Variants in CD163L1 observed in about 807,000 individuals in gnomAD.
The protein encoded by CD163L1 is scavenger receptor cysteine-rich type 1 protein M160.
CD163L1 carries 124 observed loss-of-function variants against 165.4 expected under a neutral mutation model. The ratio of observed to expected loss-of-function variants is 0.75; its 90% CI spans 0.65 to 0.87. CD163L1 has a LOEUF of 0.87. Ranked by LOEUF, CD163L1 falls within the 40% of genes least tolerant of loss-of-function variation. The probability of loss-of-function intolerance (pLI) is 0.00; values close to 1 mark genes in which losing one functional copy is unlikely to be tolerated. For missense variants in CD163L1, 1,525 were observed against 1,799.9 expected, an observed-to-expected ratio of 0.85 and a Z score of 2.76; for synonymous variants, 585 against 662.2, an observed-to-expected ratio of 0.88 and a Z score of 1.79.
chr12:7,385,584 T>C (rs953575161), intron 8 of CD163L1, among the ~76,000 whole-genome samples: 3 of 151,950 alleles, frequency 2.0e-5, no homozygotes, highest in African/African-American at 7.2e-5. Flanking sequence ...CATAAAACGT[T>C]TTCCAGAATA....
chr12:7,326,877 T>C, the CD163L1 span: 1 of 1,323,210 alleles, frequency 7.6e-7, no homozygotes, highest in Non-Finnish European at 1.0e-6. Flanking sequence ...ACACAAACTG[T>C]TATTAATAAA....
chr12:7,438,957 G>A, intron 2 of CD163L1: 1 of 1,607,882 alleles, frequency 6.2e-7, no homozygotes, highest in Non-Finnish European at 8.5e-7. Context: ...TTGTTCTCTA[G>A]CTTCCTGCTC....
chr12:7,362,204 A>G (rs1285439449), intron 18 of CD163L1, among the ~76,000 whole-genome samples: 2 of 136,386 alleles, frequency 1.5e-5, no homozygotes, highest in African/African-American at 5.7e-5. Context: ...AACATATATA[A>G]TATATCATAT....
chr12:7,404,015 A>T, intron 5 of CD163L1, 160 bp from the exon 6 acceptor site: 1 of 525,588 alleles, frequency 1.9e-6, no homozygotes, highest in Non-Finnish European at 3.2e-6. Context: ...AAAATTTTAA[A>T]GATTGAAATT....
In CD163L1 at chr12:7,398,420, C is replaced by T; in HGVS notation, c.1573G>A (p.Val525Met). Residue 525 changes from valine to methionine, a missense_variant, in exon 7 of 20, where the codon GTG (valine) becomes ATG (methionine). Transcript: ENST00000313599. This position sits in a 1 kb window ranked among gnomAD's most constrained non-coding sequence, Gnocchi z 4.5. ...KQLGCGKPLH[V>M]FGMTYFKEAS... ...TCTTTAAAATAGGTCATACCAAACACATGCAAAGGCTTTCCACATCCCAAT... is the reference window on the plus strand; with the variant it reads ...TCTTTAAAATAGGTCATACCAAACATATGCAAAGGCTTTCCACATCCCAAT... 1 of 1,614,140 alleles carries T rather than the reference C, an allele frequency of 6.2e-7. No homozygotes were observed. Among genetic ancestry groups the T allele is most frequent in the Non-Finnish European group, 8.5e-7 (1 of 1,180,020 alleles).
chr12:7,368,699 T>G lies in CD163L1; in HGVS notation c.4072+234A>C, dbSNP rs1039072316. The G allele has an allele frequency of 8.3e-6, 4 of 480,450 alleles. No homozygotes were observed. The highest frequency in any genetic ancestry group is 1.5e-5 in the Non-Finnish European group (4 of 262,448). The allele number at this position is 480,450 out of a possible 1,614,324, so 29.8% of individuals were successfully genotyped here. A position where few individuals can be genotyped will look rare whatever the true frequency, so the allele number is the denominator to read the frequency against. ...TATTTGAGAATCTAGAAAGATTATC[T>G]ATGAGGGTACCATGAGAGTCTTATC... On this transcript the variant is annotated intron_variant, in intron 16 of 19. Transcript: ENST00000313599. This position sits in a 1 kb window ranked among gnomAD's most constrained non-coding sequence, Gnocchi z 4.3.
the CD163L1 span, among the ~76,000 whole-genome samples, chr12:7,331,180 G>A: frequency 5.3e-5 from 8 of 152,210 alleles, no homozygotes; most frequent in African/African-American, 1.4e-4. Flanking sequence ...ACAGAGCCTC[G>A]CTCATTGCTA....
intron 19 of CD163L1, 39 bp downstream of exon 19, chr12:7,357,341 A>T: frequency 7.4e-7 from 1 of 1,343,128 alleles, no homozygotes; most frequent in South Asian, 1.2e-5. Flanking sequence ...TGGGAGATTA[A>T]ATTACTAGTT....
exon 5 of CD163L1, chr12:7,346,940 C>T (rs1459204412): frequency 1.3e-5 from 2 of 152,126 alleles, no homozygotes; most frequent in African/African-American, 4.8e-5. Context: ...TTAGGGAGAA[C>T]ATAAAAGGAG....
downstream of CD163L1, among the ~76,000 whole-genome samples, chr12:7,345,399 G>A (rs1946663026): frequency 6.6e-6 from 1 of 152,104 alleles, no homozygotes; most frequent in South Asian, 2.1e-4. Context: ...TCTTTGCTAA[G>A]GCATAATGTG....
At chr12:7,340,501 C>T in the CD163L1 span, among the ~76,000 whole-genome samples, 1 of 152,148 alleles carries the variant, frequency 6.6e-6, no homozygotes, top group Non-Finnish European at 1.5e-5. Context: ...TGTATTACCG[C>T]AAAGTTCACA....
chr12:7,366,704 G>A (rs1947027660), intron 18 of CD163L1, among the ~76,000 whole-genome samples: 1 of 152,080 alleles, frequency 6.6e-6, no homozygotes, highest in Non-Finnish European at 1.5e-5. Flanking sequence ...AAGTCACTTT[G>A]CCAGATGGTG....
At chr12:7,383,490 C>A (rs1337258979) in intron 8 of CD163L1, among the ~76,000 whole-genome samples, 1 of 152,172 alleles carries the variant, frequency 6.6e-6, no homozygotes, top group African/African-American at 2.4e-5. Context: ...AGCAAGCCAC[C>A]TGGAAGCCCA....
chr12:7,421,404 C>G (rs1454573138), intron 4 of CD163L1, among the ~76,000 whole-genome samples: 12 of 58,658 alleles, frequency 2.0e-4, no homozygotes, highest in East Asian at 1.2e-3. Context: ...GTATATATAT[C>G]TTCCAAATGT....
the CD163L1 span, among the ~76,000 whole-genome samples, chr12:7,325,128 T>C: frequency 6.6e-6 from 1 of 152,346 alleles, no homozygotes; most frequent in Non-Finnish European, 1.5e-5. Flanking sequence ...ACCAATGTGG[T>C]TCAGAGACTG....
At chr12:7,419,141 A>C (rs1948300657) in intron 4 of CD163L1, among the ~76,000 whole-genome samples, 1 of 151,908 alleles carries the variant, frequency 6.6e-6, no homozygotes, top group African/African-American at 2.4e-5. Context: ...GAATCCAACA[A>C]CATTATCAGA....
At chr12:7,362,103 A>C (rs1183715000) in intron 18 of CD163L1, among the ~76,000 whole-genome samples, 1 of 148,170 alleles carries the variant, frequency 6.7e-6, no homozygotes, top group Non-Finnish European at 1.5e-5. Context: ...GTAAAATGGA[A>C]TATTTATATA....
intron 4 of CD163L1, among the ~76,000 whole-genome samples, chr12:7,409,377 T>C (rs890578348): frequency 6.6e-6 from 1 of 152,062 alleles, no homozygotes; most frequent in African/African-American, 2.4e-5. Context: ...ACTGCTTTTG[T>C]GGAAAAAAAT....
chr12:7,360,257 C>G (rs1406106690), intron 18 of CD163L1, among the ~76,000 whole-genome samples: 1 of 152,086 alleles, frequency 6.6e-6, no homozygotes, highest in East Asian at 1.9e-4. Flanking sequence ...ATTCTCCTGC[C>G]TCAGCCTCCC....
Sources: allele counts gnomAD v4.1 joint callset (sites outside exome capture counted in the v4.1 genomes callset), GRCh38; gene constraint gnomAD v4.1.1; non-coding constraint Gnocchi (gnomAD v3.1); transcripts MANE v1.5; gene names NCBI Gene and HGNC (gene_info 2026-07-23, HGNC 2026-07-21).